ATP1A3: variants seen among roughly 807,000 people sequenced by gnomAD.
ATP1A3 encodes the protein sodium/potassium-transporting ATPase subunit alpha-3.
Under a neutral mutation model 108.8 loss-of-function variants are expected in ATP1A3, and 12 were observed. The ratio of observed to expected loss-of-function variants is 0.11; its 90% CI spans 0.07 to 0.18. The LOEUF (loss-of-function observed/expected upper bound fraction) is 0.18, where lower values mean the gene tolerates loss of function less well. ATP1A3 is among the 10% of genes least tolerant of loss of function. ATP1A3 has a pLI of 1.00. For missense variants in ATP1A3, 498 were observed against 1,387.7 expected, an observed-to-expected ratio of 0.36 and a Z score of 10.19; for synonymous variants, 539 against 564.5, an observed-to-expected ratio of 0.95 and a Z score of 0.64.
At position 41,966,786 on chromosome 19, in the gene ATP1A3, G is replaced by A; in HGVS notation, c.*151C>T. 6.6e-7 allele frequency: 1 copy of A among 1,525,256 alleles called. No individual in the cohort carries two copies. The highest frequency in any genetic ancestry group is 8.9e-7 in the Non-Finnish European group (1 of 1,128,872). The allele number at this position is 1,525,256 out of a possible 1,614,324, so 94.5% of individuals were successfully genotyped here. A position where few individuals can be genotyped will look rare whatever the true frequency, so the allele number is the denominator to read the frequency against. ...GGGGAGAGAAGCCAGCCAGAGTGGG[G>A]GCGGCAGGAGATAGTGGAGGGGGTG... is the stretch of plus-strand genomic sequence containing the variant. On this transcript the variant is annotated 3_prime_UTR_variant, in exon 23 of 23. Coordinates refer to ENST00000648268, the MANE Select transcript of ATP1A3 (RefSeq NM_152296.5).
chr19:41,968,692 A>G lies in ATP1A3; in HGVS notation c.2819+93T>C. On this transcript the variant is annotated intron_variant, in intron 20 of 22. Coordinates refer to ENST00000648268, the MANE Select transcript of ATP1A3 (RefSeq NM_152296.5). This position sits in a 1 kb window ranked among gnomAD's most constrained non-coding sequence, Gnocchi z 5.0. The stretch of plus-strand genomic sequence containing the variant: ...CCCTGCCTCAACAAAACAACAAAAA[A>G]CCAAAGCAAGGACACAAGAGGAAGT... 1.3e-6 allele frequency: 2 copies of G among 1,586,788 alleles called. No homozygotes were observed. Among genetic ancestry groups the G allele is most frequent in the Non-Finnish European group, 8.6e-7 (1 of 1,163,956 alleles).
intron 8 of ATP1A3, among the ~76,000 whole-genome samples, chr19:41,983,082 CT>C (rs536874696): frequency 1.1e-3 from 166 of 146,398 alleles, no homozygotes; most frequent in South Asian, 3.7e-3. Context: ...AAACAGTAAA[CT>C]TTTTTTTTTT....
chr19:41,970,701 G>A (rs1181591790), intron 16 of ATP1A3, among the ~76,000 whole-genome samples, 159 bp from the exon 17 acceptor site: 7 of 146,160 alleles, frequency 4.8e-5, no homozygotes, highest in Non-Finnish European at 7.5e-5. Context: ...GTGCGATCTC[G>A]GCTCACTGCA....
At chr19:41,971,909 C>A (rs1378238209) in intron 16 of ATP1A3, among the ~76,000 whole-genome samples, 1 of 152,046 alleles carries the variant, frequency 6.6e-6, no homozygotes, top group Non-Finnish European at 1.5e-5. Context: ...CATGCCATAT[C>A]TCAATAAATA....
At chr19:41,976,587 G>A (rs1314659779) in intron 14 of ATP1A3, 21 bp from the exon 15 acceptor site, 5 of 1,613,384 alleles carry the variant, frequency 3.1e-6, no homozygotes, top group Admixed American at 3.3e-5. Flanking sequence ...CAGAGAGAGC[G>A]ATGGCTGAGG....
rs562879731 is a variant in ATP1A3 at position 41,968,353 on chromosome 19, C to T, written c.2819+432G>A. On this transcript the variant is annotated intron_variant, in intron 20 of 22. Transcript: ENST00000648268. This position sits in a 1 kb window ranked among gnomAD's most constrained non-coding sequence, Gnocchi z 5.0. ...ACATGGTGAAACTCTACTAAAAATA[C>T]GAAAAATTAGCCGAGCCTGGTGGTG... Among the ~76,000 whole-genome samples the T allele has an allele frequency of 1.7e-4, 26 of 151,984 alleles. 1 individual carries two copies. In the South Asian group the frequency reaches 4.8e-3, roughly 28 times the overall value.
intron 1 of ATP1A3, chr19:41,993,363 C>T (rs1307147075): frequency 1.3e-6 from 2 of 1,534,438 alleles, no homozygotes; most frequent in African/African-American, 2.7e-5. Flanking sequence ...TGCACACGCA[C>T]ACCCTCAGCT....
chr19:41,990,702 C>T (rs901697671), intron 1 of ATP1A3, among the ~76,000 whole-genome samples: 1 of 148,076 alleles, frequency 6.8e-6, no homozygotes, highest in Non-Finnish European at 1.5e-5. Context: ...ATATCTGTCT[C>T]TTTTTGTAGG....
Position 41,985,730 on chromosome 19 carries a change from T to G in ATP1A3, c.606+134A>C. On this transcript the variant is annotated intron_variant, in intron 6 of 22. Transcript: ENST00000648268. The surrounding 1 kb of genome is among the most constrained non-coding windows in gnomAD (Gnocchi z 8.2). ...CTCCTGGGTCTGAGGGAGGAGGGCC[T>G]GGGGGCCTGGACTCCTGGGTCTGAG... The G allele has an allele frequency of 7.3e-7, 1 of 1,366,174 alleles. No individual in the cohort carries two copies. Among genetic ancestry groups the G allele is most frequent in the Non-Finnish European group, 9.9e-7 (1 of 1,011,132 alleles). 84.6% of individuals were successfully genotyped at this position (1,366,174 alleles called of 1,614,324 possible).
chr19:41,972,846 G>GC (rs2075125625), intron 16 of ATP1A3, among the ~76,000 whole-genome samples: 3 of 137,164 alleles, frequency 2.2e-5, no homozygotes, highest in African/African-American at 8.3e-5. Context: ...AGGAAGGAAG[G>GC]AAGGAAGGAA....
chr19:41,994,083 G>A lies in ATP1A3; in HGVS notation c.-7C>T. The A allele has an allele frequency of 1.3e-6, 2 of 1,596,768 alleles. No individual in the cohort carries two copies. Among genetic ancestry groups the A allele is most frequent in the East Asian group, 2.3e-5 (1 of 43,078 alleles). ...GCTCAGCACCTACCCCCATCTTGGC[G>A]GCTCCGCGGCGAGAGAGCCAGGCGG... is the stretch of plus-strand genomic sequence containing the variant. On this transcript the variant is annotated 5_prime_UTR_variant, in exon 1 of 23. Transcript: ENST00000648268.
chr19:41,967,843 C>A lies in ATP1A3; in HGVS notation c.2820-80G>T. ...CACCCCGCAGAGACAGGGGGAGGCA[C>A]AGTGCAGACACCCAGAGACAGCAGC... On this transcript the variant is annotated intron_variant, in intron 20 of 22. Coordinates refer to ENST00000648268, the MANE Select transcript of ATP1A3 (RefSeq NM_152296.5). This position sits in a 1 kb window ranked among gnomAD's most constrained non-coding sequence, Gnocchi z 4.2. 2 of 1,215,306 alleles carry A rather than the reference C, an allele frequency of 1.6e-6. No individual in the cohort carries two copies. The highest frequency in any genetic ancestry group is 2.5e-5 in the South Asian group (2 of 79,612). 75.3% of individuals were successfully genotyped at this position (1,215,306 alleles called of 1,614,324 possible).
chr19:41,967,091 C>T lies in ATP1A3; in HGVS notation c.3014-126G>A, dbSNP rs781932394. ...CAAGGAAACCACACAGACAGAGACC[C>T]GTGAGAAGACAGAGTGGGTGCCCGG... On this transcript the variant is annotated intron_variant, in intron 22 of 22. Transcript: ENST00000648268. This position sits in a 1 kb window ranked among gnomAD's most constrained non-coding sequence, Gnocchi z 4.2. 1.2e-5 allele frequency: 18 copies of T among 1,551,810 alleles called. No homozygotes were observed. The highest frequency in any genetic ancestry group is 2.4e-5 in the East Asian group (1 of 40,928).
chr19:41,993,294 G>T, intron 1 of ATP1A3: 4 of 1,224,194 alleles, frequency 3.3e-6, no homozygotes, highest in Admixed American at 2.0e-5. Context: ...AGACAGACAA[G>T]GACACACGGA....
At chr19:41,993,974 G>A in intron 1 of ATP1A3, 97 bp downstream of exon 1, 4 of 1,569,464 alleles carry the variant, frequency 2.5e-6, no homozygotes. Context: ...TGGCCCCGGA[G>A]CGCAGGGGTC....
intron 8 of ATP1A3, among the ~76,000 whole-genome samples, chr19:41,982,534 G>A (rs1042174884): frequency 6.6e-6 from 1 of 151,912 alleles, no homozygotes; most frequent in Non-Finnish European, 1.5e-5. Flanking sequence ...GCTGAGGCAC[G>A]AGAACCCCTT....
In ATP1A3 at chr19:41,981,847, G is replaced by A. The variant is rs1555863553; in HGVS notation, c.1193-16C>T. 6.2e-7 allele frequency: 1 copy of A among 1,614,220 alleles called. No homozygotes were observed. Among genetic ancestry groups the A allele is most frequent in the Admixed American group, 1.7e-5 (1 of 60,018 alleles). Reference sequence around the variant, plus strand: ...AATGAGGTCCCTGGGGGAGGCATGTGTGAGGGCCAGGGACTCCTGGAGCCA... The same window carrying A: ...AATGAGGTCCCTGGGGGAGGCATGTATGAGGGCCAGGGACTCCTGGAGCCA... On this transcript the variant is annotated splice_polypyrimidine_tract_variant and intron_variant, in intron 9 of 22. Coordinates refer to ENST00000648268, the MANE Select transcript of ATP1A3 (RefSeq NM_152296.5). This position sits in a 1 kb window ranked among gnomAD's most constrained non-coding sequence, Gnocchi z 5.0.
Position 41,988,489 on chromosome 19 carries a change from T to A in ATP1A3, c.80A>T (p.Lys27Met). 6.2e-7 allele frequency: 1 copy of A among 1,614,176 alleles called. No homozygotes were observed. Among genetic ancestry groups the A allele is most frequent in the Non-Finnish European group, 8.5e-7 (1 of 1,180,018 alleles). The part of the protein sequence containing the change: ...KERRDLDDLK[K>M]EVAMTEHKMS... ...GGCGAGGCTTACCATAGCCACCTCCTTCTTGAGGTCATCCAGGTCCCGGCG... is the reference window on the plus strand; with the variant it reads ...GGCGAGGCTTACCATAGCCACCTCCATCTTGAGGTCATCCAGGTCCCGGCG... Residue 27 changes from lysine (K) to methionine (M), a missense_variant, in exon 2 of 23, where the codon AAG (lysine) becomes ATG (methionine). This residue lies in a region of ATP1A3 where 41 missense variants were observed against 59.7 expected (regional missense o/e 0.69). Transcript: ENST00000648268. This position sits in a 1 kb window ranked among gnomAD's most constrained non-coding sequence, Gnocchi z 5.3.
At chr19:41,993,501 GCACACACACACACACACACACA>G (rs4060828) in intron 1 of ATP1A3, 59 of 678,312 alleles carry the variant, frequency 8.7e-5, no homozygotes, top group African/African-American at 3.3e-4. Context: ...TGCGGAGCCT[GCACACACACACACACACACACA>G]CACACACACA....
Sources: gnomAD v4.1 joint callset for allele counts (sites outside exome capture counted in the v4.1 genomes callset) on GRCh38, gnomAD v4.1.1 for gene constraint, gnomAD v4.1.1 regional missense constraint, Gnocchi (gnomAD v3.1) non-coding constraint, MANE v1.5 for transcripts, NCBI Gene and HGNC (gene_info 2026-07-23, HGNC 2026-07-21) for gene names.